CNOT6: variants seen among roughly 807,000 people sequenced by gnomAD.
CNOT6 encodes CCR4-NOT transcription complex subunit 6, also known as carbon catabolite repression 4 protein.
CNOT6 carries 12 observed loss-of-function variants against 61.2 expected under a neutral mutation model. The ratio of observed to expected loss-of-function variants is 0.20; its 90% CI spans 0.13 to 0.32. CNOT6 has a LOEUF of 0.32. Ranked by LOEUF, CNOT6 falls within the 10% of genes least tolerant of loss-of-function variation. The probability of loss-of-function intolerance (pLI) is 1.00; values close to 1 mark genes in which losing one functional copy is unlikely to be tolerated. For synonymous variants in CNOT6, 225 were observed against 240.6 expected, an observed-to-expected ratio of 0.94 and a Z score of 0.60; for missense variants, 405 against 663.9, an observed-to-expected ratio of 0.61 and a Z score of 4.28.
intron 2 of CNOT6, among the ~76,000 whole-genome samples, chr5:180,544,437 T>G (rs969893942): frequency 8.5e-5 from 13 of 152,258 alleles, no homozygotes; most frequent in African/African-American, 3.1e-4. Context: ...CCTGGTTTTT[T>G]GGTACTTAGA....
chr5:180,529,294 C>T lies in CNOT6; in HGVS notation c.18C>T (p.Tyr6=). Residue 6 remains tyrosine, a synonymous_variant, in exon 2 of 12, where the codon TAC becomes TAT. Transcript: ENST00000261951. ...TAACAGGCATGCCCAAAGAAAAATA[C>T]GAGCCCCCTGACCCTCGGAGGATGT... MPKEK[Y]EPPDPRRMYT... The T allele has an allele frequency of 3.1e-6, 5 of 1,606,958 alleles. No homozygotes were observed. Among genetic ancestry groups the T allele is most frequent in the Non-Finnish European group, 4.3e-6 (5 of 1,175,746 alleles).
chr5:180,544,186 C>A (rs187294141), intron 2 of CNOT6, among the ~76,000 whole-genome samples: 1 of 152,190 alleles, frequency 6.6e-6, no homozygotes, highest in Non-Finnish European at 1.5e-5. Context: ...TCTTTTCTCT[C>A]ATTATAAAAC....
At position 180,576,927 on chromosome 5, in the gene CNOT6, A is replaced by AAAGT. The variant is rs754405555; in HGVS notation, c.*2729_*2730insGTAA. On this transcript the variant is annotated 3_prime_UTR_variant, in exon 12 of 12. Coordinates refer to ENST00000261951, the MANE Select transcript of CNOT6 (RefSeq NM_001370472.1). ...TAAATCCATTTTAGAAATGTCTTAC[A>AAAGT]AAAAGTTTAGGGCATGTTTTCTGTT... 5.3e-4 allele frequency: 81 copies of AAAGT among 152,374 alleles called. No homozygotes were observed. The highest frequency in any genetic ancestry group is 1.2e-3 in the Admixed American group (18 of 15,298). The allele number at this position is 152,374 out of a possible 1,614,324, so 9.4% of individuals were successfully genotyped here. A position where few individuals can be genotyped will look rare whatever the true frequency, so the allele number is the denominator to read the frequency against.
In CNOT6 at chr5:180,575,696, T is replaced by C. The variant is rs1760971285; in HGVS notation, c.*1496T>C. 6.6e-6 allele frequency: 1 copy of C among 152,608 alleles called. No individual in the cohort carries two copies. The allele number at this position is 152,608 out of a possible 1,614,324, so 9.5% of individuals were successfully genotyped here. ...CAGCTTTAACTTTGCAAAGTGAACA[T>C]GTACATGGTCTGCTCTCATTTATTC... On this transcript the variant is annotated 3_prime_UTR_variant, in exon 12 of 12. Transcript: ENST00000261951.
intron 9 of CNOT6, among the ~76,000 whole-genome samples, chr5:180,568,230 C>CT (rs10601026): frequency 0.24 from 35,165 of 144,312 alleles, 4,776 homozygotes; most frequent in East Asian, 0.51. Context: ...ATTAAAAAAC[C>CT]TTTTTTTTTT....
chr5:180,513,699 T>A lies in CNOT6; in HGVS notation c.-2-15576T>A, dbSNP rs867221985. The stretch of plus-strand genomic sequence containing the variant: ...TTTATTTATTTATTTATTTATTTAT[T>A]TTTATTTATTTATTTATTTTTGAGA... On this transcript the variant is annotated intron_variant, in intron 1 of 11. Transcript: ENST00000261951. 5.6e-4 allele frequency among the ~76,000 whole-genome samples: 78 copies of A among 140,054 alleles called. No homozygotes were observed. The East Asian group carries it at 5.9e-3, about 11-fold the overall frequency. The allele number at this position is 140,054 out of a possible 152,430, so 91.9% of individuals were successfully genotyped here.
At chr5:180,540,738 C>T (rs72812966) in intron 2 of CNOT6, among the ~76,000 whole-genome samples, 2,886 of 152,204 alleles carry the variant, frequency 0.019, 38 homozygotes, top group Non-Finnish European at 0.027. Context: ...TAAGTTGAGG[C>T]GCACCTGTAT....
chr5:180,571,223 A>G lies in CNOT6; in HGVS notation c.1259-7A>G. The stretch of plus-strand genomic sequence containing the variant: ...TTTGACAATAAAAAAATTTGTCTTC[A>G]TTGTAGGTGTTGTAGAATATTTGAG... On this transcript the variant is annotated splice_polypyrimidine_tract_variant and splice_region_variant and intron_variant, in intron 10 of 11. Coordinates refer to ENST00000261951, the MANE Select transcript of CNOT6 (RefSeq NM_001370472.1). 1.9e-6 allele frequency: 3 copies of G among 1,603,538 alleles called. No homozygotes were observed. The highest frequency in any genetic ancestry group is 3.4e-5 in the Admixed American group (2 of 58,986).
At chr5:180,526,496 G>A (rs1758108544) in intron 1 of CNOT6, among the ~76,000 whole-genome samples, 1 of 152,142 alleles carries the variant, frequency 6.6e-6, no homozygotes, top group South Asian at 2.1e-4. Context: ...GTTTCACTGC[G>A]AAAGTCAGGT....
chr5:180,537,749 T>C (rs1176718928), intron 2 of CNOT6, among the ~76,000 whole-genome samples: 1 of 152,112 alleles, frequency 6.6e-6, no homozygotes, highest in Non-Finnish European at 1.5e-5. Flanking sequence ...AATTTTGTGG[T>C]TTTCCTCATA....
intron 1 of CNOT6, among the ~76,000 whole-genome samples, chr5:180,504,800 A>G (rs1184525530): frequency 6.6e-6 from 1 of 152,140 alleles, no homozygotes; most frequent in Admixed American, 6.6e-5. Flanking sequence ...TTTGTTTTTT[A>G]AAATAGTTTT....
At chr5:180,556,835 A>G (rs1448488877) in intron 4 of CNOT6, among the ~76,000 whole-genome samples, 1 of 152,200 alleles carries the variant, frequency 6.6e-6, no homozygotes, top group East Asian at 1.9e-4. Context: ...AGGTGCCTGT[A>G]GTCCCAGCTA....
At chr5:180,525,547 A>G (rs1226530692) in intron 1 of CNOT6, among the ~76,000 whole-genome samples, 5 of 152,078 alleles carry the variant, frequency 3.3e-5, no homozygotes, top group African/African-American at 1.2e-4. Context: ...TCAAAAAAAA[A>G]AAAAAAAAGT....
chr5:180,543,784 A>G (rs1028882438), intron 2 of CNOT6, among the ~76,000 whole-genome samples: 1 of 151,608 alleles, frequency 6.6e-6, no homozygotes, highest in Non-Finnish European at 1.5e-5. Flanking sequence ...ACATTTTTTT[A>G]TTACTGAGTT....
chr5:180,536,044 G>T (rs1390976793), intron 2 of CNOT6, among the ~76,000 whole-genome samples: 8 of 128,158 alleles, frequency 6.2e-5, no homozygotes, highest in Admixed American at 1.9e-4. Context: ...TGCCCAGGCT[G>T]GAGTGCAGTG....
intron 1 of CNOT6, among the ~76,000 whole-genome samples, chr5:180,519,743 TTGTG>T (rs986976010): frequency 6.0e-5 from 9 of 150,614 alleles, no homozygotes; most frequent in Admixed American, 5.4e-4. Flanking sequence ...TCATTCATAT[TTGTG>T]TGTATCAGTT....
At chr5:180,513,991 C>G (rs926806151) in intron 1 of CNOT6, among the ~76,000 whole-genome samples, 1 of 151,890 alleles carries the variant, frequency 6.6e-6, no homozygotes, top group East Asian at 1.9e-4. Flanking sequence ...CGTGAGCCAC[C>G]GGGCCCAGCC....
rs1760953634 is a variant in CNOT6 at position 180,575,228 on chromosome 5, C to T, written c.*1028C>T. 1 of 152,438 alleles carries T rather than the reference C, an allele frequency of 6.6e-6. No individual in the cohort carries two copies. The highest frequency in any genetic ancestry group is 2.4e-5 in the African/African-American group (1 of 41,416). The allele number at this position is 152,438 out of a possible 1,614,324, so 9.4% of individuals were successfully genotyped here. ...TTTATATTTTTAAAATACTGTTTAACATTTGTGAGAATTTTATGAAAATGC... is the reference window on the plus strand; with the variant it reads ...TTTATATTTTTAAAATACTGTTTAATATTTGTGAGAATTTTATGAAAATGC... On this transcript the variant is annotated 3_prime_UTR_variant, in exon 12 of 12. Coordinates refer to ENST00000261951, the MANE Select transcript of CNOT6 (RefSeq NM_001370472.1).
intron 2 of CNOT6, 141 bp downstream of exon 2, chr5:180,529,529 A>G (rs1758253648): frequency 1.6e-6 from 1 of 642,196 alleles, no homozygotes; most frequent in African/African-American, 1.9e-5. Context: ...TATTTTAGTA[A>G]CTTATCTTAG....
Sources: allele counts gnomAD v4.1 joint callset (sites outside exome capture counted in the v4.1 genomes callset), GRCh38; gene constraint gnomAD v4.1.1; transcripts MANE v1.5; gene names NCBI Gene and HGNC (gene_info 2026-07-23, HGNC 2026-07-21).